Variants in DIAPH2 observed in about 807,000 individuals in gnomAD.
The protein encoded by DIAPH2 is diaphanous related formin 2.
Under a neutral mutation model 92.7 loss-of-function variants are expected in DIAPH2, and 35 were observed. The observed-to-expected ratio is 0.38, with a 90% CI of 0.29 to 0.50. DIAPH2 has a LOEUF of 0.50. Among genes scored for constraint, DIAPH2 ranks in the 20% least tolerant of loss-of-function variants. The pLI is 0.94. For synonymous variants in DIAPH2, 301 were observed against 280.4 expected (o/e 1.07, Z -0.73); for missense variants, 701 against 819.5 (o/e 0.86, Z 1.77).
At chrX:97,383,672 A>G (rs2069571451) in intron 24 of DIAPH2, among the ~76,000 whole-genome samples, 1 of 108,426 alleles carries the variant, frequency 9.2e-6, no homozygotes, top group South Asian at 4.1e-4. Context: ...TTTACAATTA[A>G]TTGTCTCTCT....
chrX:97,494,867 T>G (rs1476697942), intron 26 of DIAPH2, among the ~76,000 whole-genome samples: 1 of 112,722 alleles, frequency 8.9e-6, no homozygotes, highest in African/African-American at 3.2e-5. Flanking sequence ...CCTATCACAG[T>G]GGAAGAAGCA....
At chrX:97,376,647 T>C (rs1395770711) in intron 24 of DIAPH2, among the ~76,000 whole-genome samples, 1 of 112,238 alleles carries the variant, frequency 8.9e-6, no homozygotes, top group Admixed American at 9.5e-5. Context: ...TATATGTGAT[T>C]CCTCATTAAA....
chrX:97,308,781 C>T (rs752592245), intron 23 of DIAPH2, among the ~76,000 whole-genome samples: 25 of 107,282 alleles, frequency 2.3e-4, no homozygotes, highest in South Asian at 1.7e-3. Context: ...CCACCACGCC[C>T]GGCAAATTTT....
At chrX:97,248,418 G>T (rs932552477) in intron 23 of DIAPH2, among the ~76,000 whole-genome samples, 1 of 111,160 alleles carries the variant, frequency 9.0e-6, no homozygotes, top group Admixed American at 9.6e-5. Flanking sequence ...AACATTTTTT[G>T]AAACTTCTAG....
intron 22 of DIAPH2, among the ~76,000 whole-genome samples, chrX:97,178,384 T>C (rs1038551269): frequency 9.2e-6 from 1 of 108,807 alleles, no homozygotes; most frequent in Admixed American, 9.9e-5. Context: ...ACTAGTATAC[T>C]CCTAGCTTTT....
At chrX:97,126,141 G>A (rs1036382395) in intron 21 of DIAPH2, among the ~76,000 whole-genome samples, 1 of 111,855 alleles carries the variant, frequency 8.9e-6, no homozygotes, top group African/African-American at 3.2e-5. Flanking sequence ...ATGGCATTTA[G>A]TGAATATAAT....
chrX:97,103,714 T>C (rs1353208850), intron 20 of DIAPH2, among the ~76,000 whole-genome samples: 1 of 111,864 alleles, frequency 8.9e-6, no homozygotes, highest in Admixed American at 9.5e-5. Flanking sequence ...CTGTATTGCA[T>C]CATAATTTTT....
intron 4 of DIAPH2, among the ~76,000 whole-genome samples, chrX:96,829,430 C>CATAT (rs765718414): frequency 7.3e-5 from 5 of 68,297 alleles, no homozygotes; most frequent in Admixed American, 2.0e-4. Context: ...ATAGCATTTA[C>CATAT]ATATATATAT....
At chrX:97,373,301 A>G (rs984082407) in intron 24 of DIAPH2, among the ~76,000 whole-genome samples, 2 of 110,495 alleles carry the variant, frequency 1.8e-5, no homozygotes, top group Non-Finnish European at 3.8e-5. Flanking sequence ...CAAGGCTGCT[A>G]AGATTTTCTA....
At chrX:97,589,510 G>A (rs1487730328) in intron 26 of DIAPH2, among the ~76,000 whole-genome samples, 1 of 109,968 alleles carries the variant, frequency 9.1e-6, no homozygotes, top group Non-Finnish European at 1.9e-5. Context: ...TCAAGTACAT[G>A]TAGATCTATG....
At chrX:96,929,757 G>A (rs921193740) in intron 9 of DIAPH2, among the ~76,000 whole-genome samples, 13 of 109,632 alleles carry the variant, frequency 1.2e-4, no homozygotes, top group African/African-American at 3.0e-4. Flanking sequence ...GTTTTTTTCC[G>A]AGGATTCCCC....
In DIAPH2 at chrX:96,785,475, C is replaced by CTTTTTT. The variant is rs1157552270; in HGVS notation, c.447+27234_447+27239dup. 2.5e-3 allele frequency among the ~76,000 whole-genome samples: 141 copies of CTTTTTT among 57,174 alleles called. 2 individuals are homozygous for CTTTTTT. Among genetic ancestry groups the CTTTTTT allele is most frequent in the African/African-American group, 9.4e-3 (136 of 14,524 alleles). The allele number at this position is 57,174 out of a possible 115,157, so 49.6% of individuals were successfully genotyped here. ...AGAGACAAAAGGTGGCCAAACTTGC[C>CTTTTTT]TTTTTTTTTTTTTTTTTTTTTTGGA... On this transcript the variant is annotated intron_variant, in intron 4 of 26. Coordinates refer to ENST00000324765, the MANE Select transcript of DIAPH2 (RefSeq NM_006729.5).
intron 5 of DIAPH2, among the ~76,000 whole-genome samples, chrX:96,889,657 A>G (rs185671283): frequency 2.9e-4 from 33 of 111,926 alleles, no homozygotes; most frequent in Non-Finnish European, 1.9e-5. Context: ...AGGAATTCAG[A>G]CAATTTTTTT....
intron 17 of DIAPH2, among the ~76,000 whole-genome samples, chrX:97,004,685 C>G (rs1195033150): frequency 2.7e-5 from 3 of 111,939 alleles, no homozygotes; most frequent in African/African-American, 9.7e-5. Flanking sequence ...CTTGTCAGCT[C>G]TTATAGTTTT....
rs540863866 is a variant in DIAPH2 at position 97,293,247 on chromosome X, T to C, written c.2844+45408T>C. Among the ~76,000 whole-genome samples the C allele has an allele frequency of 1.8e-3, 157 of 86,424 alleles. 1 individual carries two copies. In the East Asian group the frequency reaches 0.038, roughly 21 times the overall value. 75.0% of individuals were successfully genotyped at this position (86,424 alleles called of 115,157 possible). A position where few individuals can be genotyped will look rare whatever the true frequency, so the allele number is the denominator to read the frequency against. On this transcript the variant is annotated intron_variant, in intron 23 of 26. Transcript: ENST00000324765. The stretch of plus-strand genomic sequence containing the variant: ...TGTCTTTGTTGATATTTCTTTCTTT[T>C]TTTTTTTTTTTTTTTTTTTTTTGAG...
intron 22 of DIAPH2, among the ~76,000 whole-genome samples, chrX:97,205,449 A>G (rs926419005): frequency 4.5e-5 from 5 of 111,740 alleles, no homozygotes; most frequent in African/African-American, 1.6e-4. Context: ...AATATCCAGA[A>G]TCTACAAGGA....
At chrX:97,407,858 G>C (rs1374858060) in intron 25 of DIAPH2, among the ~76,000 whole-genome samples, 1 of 111,646 alleles carries the variant, frequency 9.0e-6, no homozygotes, top group African/African-American at 3.2e-5. Context: ...TCAAAGAACT[G>C]CAAAGGTCAA....
At chrX:97,371,574 A>C (rs2069448345) in intron 24 of DIAPH2, among the ~76,000 whole-genome samples, 1 of 111,488 alleles carries the variant, frequency 9.0e-6, no homozygotes, top group South Asian at 3.8e-4. Flanking sequence ...AACCCTATCC[A>C]CAGGCAGAAC....
intron 4 of DIAPH2, among the ~76,000 whole-genome samples, chrX:96,777,694 T>C (rs912992684): frequency 9.0e-6 from 1 of 111,729 alleles, no homozygotes; most frequent in Non-Finnish European, 1.9e-5. Flanking sequence ...ATGCATAATT[T>C]TAATTTTATT....
Sources: gnomAD v4.1 joint callset for allele counts (sites outside exome capture counted in the v4.1 genomes callset) on GRCh38, gnomAD v4.1.1 for gene constraint, MANE v1.5 for transcripts, NCBI Gene and HGNC (gene_info 2026-07-23, HGNC 2026-07-21) for gene names.